Variants in TRHDE observed in about 807,000 individuals in gnomAD.
TRHDE encodes the protein thyrotropin releasing hormone degrading enzyme, also known as thyrotropin-releasing hormone-degrading ectoenzyme.
TRHDE carries 72 observed loss-of-function variants against 125.7 expected under a neutral mutation model. The ratio of observed to expected loss-of-function variants is 0.57; its 90% CI spans 0.47 to 0.70. The LOEUF (loss-of-function observed/expected upper bound fraction) is 0.70, where lower values mean the gene tolerates loss of function less well. Among genes scored for constraint, TRHDE ranks in the 30% least tolerant of loss-of-function variants. The pLI is 0.00. For synonymous variants in TRHDE, 509 were observed against 509.1 expected (o/e 1.00, Z 0.00); for missense variants, 1,110 against 1,327.1 (o/e 0.84, Z 2.54).
chr12:72,587,334 G>T (rs539505246), intron 12 of TRHDE, among the ~76,000 whole-genome samples: 2 of 152,112 alleles, frequency 1.3e-5, no homozygotes, highest in East Asian at 3.9e-4. Context: ...GGAGAGTTGA[G>T]AAATGCTTAG....
In TRHDE at chr12:72,319,417, A is replaced by G. The variant is rs1029208131; in HGVS notation, c.1188+32463A>G. On this transcript the variant is annotated intron_variant, in intron 2 of 18. Coordinates refer to ENST00000261180, the MANE Select transcript of TRHDE (RefSeq NM_013381.3). Reference sequence around the variant, plus strand: ...GATTTGACTTTAATCAACAACATGAAATATTTGCATGTCAAGAACTTGTCA... The same window carrying G: ...GATTTGACTTTAATCAACAACATGAGATATTTGCATGTCAAGAACTTGTCA... Among the ~76,000 whole-genome samples, 4 of 152,172 alleles carry G rather than the reference A, an allele frequency of 2.6e-5. No homozygotes were observed. The East Asian group carries it at 7.7e-4, about 29-fold the overall frequency.
rs754822310 is a variant in TRHDE at position 72,499,655 on chromosome 12, T to G, written c.1722+20T>G. On this transcript the variant is annotated intron_variant, in intron 6 of 18. Transcript: ENST00000261180. ...AAAAAGGTGGGAATAAAGAACAAAG[T>G]GCCAATTAGATATTTCATTACCAAG... 2 of 1,610,782 alleles carry G rather than the reference T, an allele frequency of 1.2e-6. No individual in the cohort carries two copies. The highest frequency in any genetic ancestry group is 1.7e-5 in the Admixed American group (1 of 59,492).
intron 2 of TRHDE, among the ~76,000 whole-genome samples, chr12:72,123,116 T>A (rs1478730784): frequency 2.0e-5 from 3 of 152,216 alleles, no homozygotes; most frequent in African/African-American, 7.2e-5. Context: ...ATACTGTTTT[T>A]GAAACTGGAG....
At chr12:72,099,498 A>T (rs976024269) in intron 1 of TRHDE, among the ~76,000 whole-genome samples, 1 of 151,904 alleles carries the variant, frequency 6.6e-6, no homozygotes, top group African/African-American at 2.4e-5. Context: ...TATAGTTTGA[A>T]TTTTTTTTCC....
rs1237878657 is a variant in TRHDE, at chr12:72,664,898, C to T, written c.*1703C>T. 1 of 151,888 alleles carries T rather than the reference C, an allele frequency of 6.6e-6. No individual in the cohort carries two copies. Among genetic ancestry groups the T allele is most frequent in the African/African-American group, 2.4e-5 (1 of 41,384 alleles). 9.4% of individuals were successfully genotyped at this position (151,888 alleles called of 1,614,324 possible). A position where few individuals can be genotyped will look rare whatever the true frequency, so the allele number is the denominator to read the frequency against. On this transcript the variant is annotated 3_prime_UTR_variant, in exon 19 of 19. Coordinates refer to ENST00000261180, the MANE Select transcript of TRHDE (RefSeq NM_013381.3). ...AATTTTATCATATAAGCAAGTAATACCTATTAGTCATACCTAAATTTTTCA... is the reference window on the plus strand; with the variant it reads ...AATTTTATCATATAAGCAAGTAATATCTATTAGTCATACCTAAATTTTTCA...
chr12:72,109,155 G>T (rs1314245596), intron 2 of TRHDE, among the ~76,000 whole-genome samples: 1 of 152,056 alleles, frequency 6.6e-6, no homozygotes, highest in Non-Finnish European at 1.5e-5. Context: ...TGCTAGTGGT[G>T]TGATGAAGAC....
chr12:72,340,619 T>C (rs1183432757), intron 2 of TRHDE, among the ~76,000 whole-genome samples: 1 of 152,056 alleles, frequency 6.6e-6, no homozygotes, highest in East Asian at 1.9e-4. Context: ...TGTCCTGCCG[T>C]GGGTGGCTTA....
intron 2 of TRHDE, among the ~76,000 whole-genome samples, chr12:72,330,295 C>T (rs1869530216): frequency 6.6e-6 from 1 of 151,416 alleles, no homozygotes; most frequent in Non-Finnish European, 1.5e-5. Flanking sequence ...CTACCCCCCA[C>T]CTCCCAATTC....
chr12:72,602,855 A>G (rs1322001063), intron 12 of TRHDE, among the ~76,000 whole-genome samples: 3 of 152,114 alleles, frequency 2.0e-5, no homozygotes, highest in African/African-American at 4.8e-5. Context: ...ATTCCCCACA[A>G]TTGCCCTTTA....
chr12:72,566,522 T>C lies in TRHDE; in HGVS notation c.2043-2046T>C, dbSNP rs560728193. On this transcript the variant is annotated intron_variant, in intron 9 of 18. Coordinates refer to ENST00000261180, the MANE Select transcript of TRHDE (RefSeq NM_013381.3). ...TATTTATGTGAATCGTTTTCTTGTA[T>C]TTTAGATATTTTTTTCTAAAACCCA... Among the ~76,000 whole-genome samples the C allele has an allele frequency of 4.0e-5, 6 of 151,668 alleles. No individual in the cohort carries two copies. The South Asian group carries it at 1.2e-3, about 31-fold the overall frequency.
chr12:72,306,829 G>A (rs1868348674), intron 2 of TRHDE: 3 of 152,126 alleles, frequency 2.0e-5, no homozygotes. Context: ...GTAAAGGAAT[G>A]ATGCAATTCT....
chr12:72,530,668 T>C (rs1467147039), intron 6 of TRHDE, among the ~76,000 whole-genome samples: 1 of 151,800 alleles, frequency 6.6e-6, no homozygotes, highest in East Asian at 1.9e-4. Flanking sequence ...TCTCTCTGCC[T>C]GGAATGTTCT....
intron 7 of TRHDE, among the ~76,000 whole-genome samples, chr12:72,560,920 A>G (rs1870147395): frequency 6.6e-6 from 1 of 152,248 alleles, no homozygotes; most frequent in Non-Finnish European, 1.5e-5. Context: ...AGCATAAAGA[A>G]TAATTTTGAA....
chr12:72,198,932 GGAGAGA>G (rs111453106), intron 2 of TRHDE, among the ~76,000 whole-genome samples: 52 of 147,254 alleles, frequency 3.5e-4, no homozygotes, highest in East Asian at 3.4e-3. Flanking sequence ...TGGTGAAGCA[GGAGAGA>G]GAGAGAGAGA....
rs373008879 is a variant in TRHDE at position 72,371,430 on chromosome 12, G to T, written c.1189-6565G>T. 4.0e-5 allele frequency among the ~76,000 whole-genome samples: 6 copies of T among 151,384 alleles called. No individual in the cohort carries two copies. The South Asian group carries it at 1.3e-3, about 32-fold the overall frequency. On this transcript the variant is annotated intron_variant, in intron 2 of 18. Coordinates refer to ENST00000261180, the MANE Select transcript of TRHDE (RefSeq NM_013381.3). ...TTATACTTTAAGTTTTAGGGTACAT[G>T]TGCACAATGTGCAGGTTAGTTATAT...
intron 15 of TRHDE, among the ~76,000 whole-genome samples, chr12:72,645,595 C>T (rs538006855): frequency 2.6e-5 from 4 of 151,952 alleles, no homozygotes; most frequent in Non-Finnish European, 4.4e-5. Flanking sequence ...ATCTAGAGAA[C>T]GAAATGGACA....
chr12:72,580,721 G>A (rs546601314), intron 12 of TRHDE, among the ~76,000 whole-genome samples: 1 of 152,218 alleles, frequency 6.6e-6, no homozygotes, highest in Non-Finnish European at 1.5e-5. Flanking sequence ...GATTACAGGC[G>A]TGAGCCACAG....
At chr12:72,295,535 T>G (rs1880263067) in intron 2 of TRHDE, among the ~76,000 whole-genome samples, 2 of 152,190 alleles carry the variant, frequency 1.3e-5, no homozygotes, top group South Asian at 4.1e-4. Context: ...TTTTATTGTG[T>G]GGACTGACTA....
intron 2 of TRHDE, among the ~76,000 whole-genome samples, chr12:72,212,964 A>G (rs1293685874): frequency 2.0e-5 from 3 of 152,170 alleles, no homozygotes; most frequent in Non-Finnish European, 4.4e-5. Context: ...GATAAATAAA[A>G]TATAGTGCAT....
Sources: gnomAD v4.1 joint callset for allele counts (sites outside exome capture counted in the v4.1 genomes callset) on GRCh38, gnomAD v4.1.1 for gene constraint, MANE v1.5 for transcripts, NCBI Gene and HGNC (gene_info 2026-07-23, HGNC 2026-07-21) for gene names.